ABCA7: variants seen among roughly 807,000 people sequenced by gnomAD.
ABCA7 encodes the protein ATP binding cassette subfamily A member 7.
In ABCA7, 261 loss-of-function variants were observed where a neutral mutation model predicts 227.6. The observed-to-expected ratio is 1.15, with a 90% CI of 1.04 to 1.27. The LOEUF (loss-of-function observed/expected upper bound fraction) is 1.27, where lower values mean the gene tolerates loss of function less well. Among genes scored for constraint, ABCA7 ranks in the 50% most tolerant of loss-of-function variants. ABCA7 has a pLI of 0.00. For missense variants in ABCA7, 3,331 were observed against 2,924.5 expected (o/e 1.14, Z -3.21); for synonymous variants, 1,488 against 1,279.7 (o/e 1.16, Z -3.47).
chr19:1,058,232 G>A lies in ABCA7; in HGVS notation c.5112G>A (p.Val1704=). 6.2e-7 allele frequency: 1 copy of A among 1,613,602 alleles called. No individual in the cohort carries two copies. The highest frequency in any genetic ancestry group is 8.5e-7 in the Non-Finnish European group (1 of 1,179,960). The change falls in exon 37 of 47, where the codon GTG becomes GTA. Residue 1704 remains valine, a synonymous_variant. Coordinates refer to ENST00000263094, the MANE Select transcript of ABCA7 (RefSeq NM_019112.4). ...TGGGCCGGGGGCTCATTGACATGGT[G>A]CGGAACCAGGCCATGGCTGATGCCT... ...FCLGRGLIDM[V]RNQAMADAFE...
rs775030031 is a variant in ABCA7, at chr19:1,054,150, C to G, written c.3577+40C>G. 14 of 1,612,148 alleles carry G rather than the reference C, an allele frequency of 8.7e-6. No individual in the cohort carries two copies. The East Asian group carries it at 2.9e-4, about 33-fold the overall frequency. ...GTGGCCCTGGGGTCCTCCCAGCCAC[C>G]CCCCCACAGCAGCGTGAGCACTGAC... On this transcript the variant is annotated intron_variant, in intron 26 of 46. Transcript: ENST00000263094. The surrounding 1 kb of genome is among the most constrained non-coding windows in gnomAD (Gnocchi z 4.8).
intron 3 of ABCA7, 29 bp downstream of exon 3, chr19:1,041,632 G>T (rs1455344486): frequency 1.2e-6 from 2 of 1,604,828 alleles, no homozygotes; most frequent in South Asian, 1.1e-5. Flanking sequence ...CAGGCACTTT[G>T]TGTGTGTAGG....
rs532833882 is a variant in ABCA7, at chr19:1,042,047, CCT to C, written c.303-10_303-9del. ...TGCCGGCCGGAACCCCGCCTCCTGC[CCT>C]CTCTCTGTCCCCAGGGTCTCCCGGC... is the stretch of plus-strand genomic sequence containing the variant. On this transcript the variant is annotated splice_polypyrimidine_tract_variant and intron_variant, in intron 4 of 46. Coordinates refer to ENST00000263094, the MANE Select transcript of ABCA7 (RefSeq NM_019112.4). 2,826 of 1,587,990 alleles carry C rather than the reference CCT, an allele frequency of 1.8e-3. 21 individuals carry two copies. The African/African-American group carries it at 0.018, about 10-fold the overall frequency.
chr19:1,053,172 C>A (rs141914879), intron 23 of ABCA7, among the ~76,000 whole-genome samples, 157 bp from the exon 24 acceptor site: 1 of 152,238 alleles, frequency 6.6e-6, no homozygotes, highest in Non-Finnish European at 1.5e-5. Context: ...GGATTACAGG[C>A]GTGAGCCACT....
Position 1,054,273 on chromosome 19 carries a change from C to A in ABCA7, c.3658C>A (p.Gln1220Lys), listed in dbSNP as rs1476994834. Residue 1220 changes from glutamine (Q) to lysine (K), a missense_variant, in exon 27 of 47, where the codon CAG (glutamine) becomes AAG (lysine). By Grantham distance (53) the Gln-to-Lys change is moderately conservative. Coordinates refer to ENST00000263094, the MANE Select transcript of ABCA7 (RefSeq NM_019112.4). The surrounding 1 kb of genome is among the most constrained non-coding windows in gnomAD (Gnocchi z 4.8). ...ACAGGGCTGGGCACTGACCCGCCAGCAGCTCCAGGCCCTGCTTCTCAAGCG... is the reference window on the plus strand; with the variant it reads ...ACAGGGCTGGGCACTGACCCGCCAGAAGCTCCAGGCCCTGCTTCTCAAGCG... ...RVQGWALTRQ[Q>K]LQALLLKRFL... 6.2e-7 allele frequency: 1 copy of A among 1,608,264 alleles called. No individual in the cohort carries two copies. The highest frequency in any genetic ancestry group is 8.5e-7 in the Non-Finnish European group (1 of 1,179,252).
At chr19:1,046,114 C>G in intron 12 of ABCA7, 116 bp from the exon 13 acceptor site, 6 of 1,229,728 alleles carry the variant, frequency 4.9e-6, no homozygotes, top group Non-Finnish European at 6.8e-6. Flanking sequence ...GATTGCAGCT[C>G]TTCACTCCAG....
At position 1,064,918 on chromosome 19, in the gene ABCA7, C is replaced by G. The variant is rs1192301136; in HGVS notation, c.6045-13C>G. The G allele has an allele frequency of 5.8e-6, 9 of 1,557,092 alleles. No homozygotes were observed. The highest frequency in any genetic ancestry group is 1.4e-5 in the African/African-American group (1 of 73,000). ...AAGGCCCGATCCGGTAGCCCTGGCC[C>G]CACTCACTGCAGATTCGCGGCGGGT... is the stretch of plus-strand genomic sequence containing the variant. On this transcript the variant is annotated splice_polypyrimidine_tract_variant and intron_variant, in intron 45 of 46. Coordinates refer to ENST00000263094, the MANE Select transcript of ABCA7 (RefSeq NM_019112.4).
At position 1,056,911 on chromosome 19, in the gene ABCA7, G is replaced by A; in HGVS notation, c.4591G>A (p.Ala1531Thr). 1 of 1,613,046 alleles carries A rather than the reference G, an allele frequency of 6.2e-7. No individual in the cohort carries two copies. Among genetic ancestry groups the A allele is most frequent in the Non-Finnish European group, 8.5e-7 (1 of 1,179,352 alleles). Residue 1531 changes from alanine to threonine, a missense_variant, in exon 34 of 47, where the codon GCC (alanine) becomes ACC (threonine). Coordinates refer to ENST00000263094, the MANE Select transcript of ABCA7 (RefSeq NM_019112.4). The surrounding 1 kb of genome is among the most constrained non-coding windows in gnomAD (Gnocchi z 4.3). ...KEQLSEGALM[A>T]SSVDVLVSIC... ...CTCTCATGTCTTCACCTCCAGGATGGCCTCCTCGGTGGACGTCCTCGTCTC... is the reference window on the plus strand; with the variant it reads ...CTCTCATGTCTTCACCTCCAGGATGACCTCCTCGGTGGACGTCCTCGTCTC...
At chr19:1,045,922 G>A (rs1230578885) in intron 12 of ABCA7, among the ~76,000 whole-genome samples, 1 of 152,198 alleles carries the variant, frequency 6.6e-6, no homozygotes, top group African/African-American at 2.4e-5. Flanking sequence ...CAGGAGAATC[G>A]CTTGAACCCA....
At position 1,041,818 on chromosome 19, in the gene ABCA7, C is replaced by T. The variant is rs1245563768; in HGVS notation, c.161-13C>T. 1.2e-6 allele frequency: 2 copies of T among 1,600,078 alleles called. No individual in the cohort carries two copies. The highest frequency in any genetic ancestry group is 1.7e-5 in the Admixed American group (1 of 58,682). ...GAGTCCACAGGGCCTCAGCACCAGG[C>T]GTCTCCCCGCAGGCCACTTCCCAAA... On this transcript the variant is annotated splice_polypyrimidine_tract_variant and intron_variant, in intron 3 of 46. Transcript: ENST00000263094.
Position 1,042,088 on chromosome 19 carries a change from C to A in ABCA7, c.327C>A (p.Ala109=). 4 of 1,597,136 alleles carry A rather than the reference C, an allele frequency of 2.5e-6. No individual in the cohort carries two copies. Among genetic ancestry groups the A allele is most frequent in the Non-Finnish European group, 3.4e-6 (4 of 1,178,242 alleles). Residue 109 remains alanine, a synonymous_variant, in exon 5 of 47, where the codon GCC becomes GCA. Coordinates refer to ENST00000263094, the MANE Select transcript of ABCA7 (RefSeq NM_019112.4). The stretch of plus-strand genomic sequence containing the variant: ...GGGTCTCCCGGCTGCTAGCCGATGC[C>A]CGCACTGTGCTGGGAGGGGCCAGTG... ...DSLVSRLLAD[A]RTVLGGASAH...
chr19:1,051,307 C>G lies in ABCA7; in HGVS notation c.2824+13C>G, dbSNP rs752989164. 6 of 1,584,622 alleles carry G rather than the reference C, an allele frequency of 3.8e-6. No individual in the cohort carries two copies. The highest frequency in any genetic ancestry group is 5.2e-6 in the Non-Finnish European group (6 of 1,164,570). On this transcript the variant is annotated intron_variant, in intron 20 of 46. Coordinates refer to ENST00000263094, the MANE Select transcript of ABCA7 (RefSeq NM_019112.4). Reference sequence around the variant, plus strand: ...CGCCACCTCTCTGGTGAGCCCATCCCCAAGGGAGGTCACCTCACAGGGAGG... The same window carrying G: ...CGCCACCTCTCTGGTGAGCCCATCCGCAAGGGAGGTCACCTCACAGGGAGG...
At chr19:1,064,089 G>C in intron 44 of ABCA7, 72 bp from the exon 45 acceptor site, 1 of 1,460,674 alleles carries the variant, frequency 6.8e-7, no homozygotes, top group African/African-American at 1.4e-5. Context: ...CCAGGCCGGG[G>C]GAAGCAGGCA....
At chr19:1,060,207 A>ATATATATATATTTTTTTTTT in intron 40 of ABCA7, among the ~76,000 whole-genome samples, 4 of 96,768 alleles carry the variant, frequency 4.1e-5, no homozygotes, top group African/African-American at 1.4e-4. Flanking sequence ...ATATATATAT[A>ATATATATATATTTTTTTTTT]TTTTTTTTTC....
intron 10 of ABCA7, 67 bp downstream of exon 10, chr19:1,043,908 T>C: frequency 1.5e-6 from 2 of 1,364,056 alleles, no homozygotes; most frequent in South Asian, 1.2e-5. Context: ...GCCCGGTGGA[T>C]GGGAAGGTGG....
intron 16 of ABCA7, 43 bp from the exon 17 acceptor site, chr19:1,048,852 C>A: frequency 1.6e-6 from 2 of 1,220,064 alleles, no homozygotes; most frequent in Non-Finnish European, 2.3e-6. Context: ...CTGGTACACT[C>A]CTGGGGGGTG....
At chr19:1,044,895 C>T (rs2144707300) in intron 11 of ABCA7, 107 bp from the exon 12 acceptor site, 5 of 1,498,628 alleles carry the variant, frequency 3.3e-6, no homozygotes, top group Non-Finnish European at 4.5e-6. Context: ...CGGCCGTGGG[C>T]CTACGAGGGG....
chr19:1,065,348 C>T lies in ABCA7; in HGVS notation c.6364C>T (p.Pro2122Ser), dbSNP rs772591351. Reference sequence around the variant, plus strand: ...GAAGGAGGCAGGAGTGGGAGTGGACCCCGCGCCAGGCCTGCAGCACCCCAA... The same window carrying T: ...GAAGGAGGCAGGAGTGGGAGTGGACTCCGCGCCAGGCCTGCAGCACCCCAA... ...EQKEAGVGVDPAPGLQHPKRV... is the reference protein window; with the variant it reads ...EQKEAGVGVDSAPGLQHPKRV... Residue 2122 changes from proline to serine, a missense_variant, in exon 47 of 47, where the codon CCC becomes TCC. Transcript: ENST00000263094. The T allele has an allele frequency of 1.2e-6, 2 of 1,613,618 alleles. No homozygotes were observed. Among genetic ancestry groups the T allele is most frequent in the South Asian group, 1.1e-5 (1 of 91,082 alleles).
intron 13 of ABCA7, 144 bp from the exon 14 acceptor site, chr19:1,046,658 G>T (rs1465515207): frequency 7.1e-6 from 8 of 1,132,462 alleles, no homozygotes; most frequent in African/African-American, 3.1e-5. Flanking sequence ...AGAGCCAAAG[G>T]CTGGCTGGAT....
Sources: allele counts gnomAD v4.1 joint callset (sites outside exome capture counted in the v4.1 genomes callset), GRCh38; gene constraint gnomAD v4.1.1; non-coding constraint Gnocchi (gnomAD v3.1); transcripts MANE v1.5; gene names NCBI Gene and HGNC (gene_info 2026-07-23, HGNC 2026-07-21).